The following RNF187 variants were observed in gnomAD, a reference collection of about 807,000 sequenced individuals.
The protein encoded by RNF187 is ring finger protein 187.
A neutral mutation model predicts 22.2 loss-of-function variants in RNF187; 18 were observed. The ratio of observed to expected loss-of-function variants is 0.81; its 90% CI spans 0.56 to 1.20. The LOEUF (loss-of-function observed/expected upper bound fraction) is 1.20. Among genes scored for constraint, RNF187 ranks in the 50% most tolerant of loss-of-function variants. RNF187 has a pLI of 0.00. For synonymous variants in RNF187, 164 were observed against 140.9 expected, an observed-to-expected ratio of 1.16 and a Z score of -1.16; for missense variants, 329 against 317.6, an observed-to-expected ratio of 1.04 and a Z score of -0.27.
chr1:228,492,618 C>CTTTTT, intron 2 of RNF187, among the ~76,000 whole-genome samples: 23 of 62,108 alleles, frequency 3.7e-4, no homozygotes, highest in Non-Finnish European at 4.9e-4. Context: ...CCGTGCCTGG[C>CTTTTT]TTTTTTTTTT....
At position 228,495,052 on chromosome 1, in the gene RNF187, G is replaced by A; in HGVS notation, c.*1167G>A. ...CTCCAGTGTCAAAGGAAACTTCCTC[G>A]TGACACGTGCTAAAGCATGGTGAGG... On this transcript the variant is annotated 3_prime_UTR_variant, in exon 4 of 4. Coordinates refer to ENST00000305943, the MANE Select transcript of RNF187 (RefSeq NM_001010858.3). 8 of 983,672 alleles carry A rather than the reference G, an allele frequency of 8.1e-6. No homozygotes were observed. Among genetic ancestry groups the A allele is most frequent in the Non-Finnish European group, 8.5e-6 (7 of 828,388 alleles). 60.9% of individuals were successfully genotyped at this position (983,672 alleles called of 1,614,324 possible).
In RNF187 at chr1:228,487,689, G is replaced by A. The variant is rs1411263227; in HGVS notation, c.201G>A (p.Pro67=). ...GCGCCGTGGAGCCCGGCAGGCCCCC[G>A]CTCAGCCGCCGCCTTCTGGCGCTCG... The change falls in exon 1 of 4, where the codon CCG becomes CCA. Residue 67 remains proline, a synonymous_variant. Transcript: ENST00000305943. The A allele has an allele frequency of 1.3e-5, 14 of 1,078,624 alleles. No individual in the cohort carries two copies. Among genetic ancestry groups the A allele is most frequent in the Non-Finnish European group, 1.5e-5 (13 of 891,006 alleles). The allele number at this position is 1,078,624 out of a possible 1,614,324, so 66.8% of individuals were successfully genotyped here.
intron 2 of RNF187, among the ~76,000 whole-genome samples, chr1:228,491,857 GT>G: frequency 4.6e-5 from 7 of 152,200 alleles, no homozygotes; most frequent in African/African-American, 1.7e-4. Context: ...CTAGCCACTT[GT>G]AAAAAAGCAA....
chr1:228,493,986 G>C lies in RNF187; in HGVS notation c.*101G>C. The C allele has an allele frequency of 6.4e-7, 1 of 1,551,270 alleles. No homozygotes were observed. The highest frequency in any genetic ancestry group is 8.7e-7 in the Non-Finnish European group (1 of 1,146,912). On this transcript the variant is annotated 3_prime_UTR_variant, in exon 4 of 4. Coordinates refer to ENST00000305943, the MANE Select transcript of RNF187 (RefSeq NM_001010858.3). This position sits in a 1 kb window ranked among gnomAD's most constrained non-coding sequence, Gnocchi z 4.7. ...TGGCTGCCAGGGAAGCGTGGCAGGCGCCTGGCCTTGGGTCCATCTACATAG... is the reference window on the plus strand; with the variant it reads ...TGGCTGCCAGGGAAGCGTGGCAGGCCCCTGGCCTTGGGTCCATCTACATAG...
chr1:228,490,186 C>T, intron 2 of RNF187, among the ~76,000 whole-genome samples: 1 of 152,166 alleles, frequency 6.6e-6, no homozygotes, highest in Non-Finnish European at 1.5e-5. Flanking sequence ...CTGAGGCCCA[C>T]GTTTTTACCC....
intron 2 of RNF187, among the ~76,000 whole-genome samples, chr1:228,489,266 C>G: frequency 6.6e-6 from 1 of 152,138 alleles, no homozygotes; most frequent in Non-Finnish European, 1.5e-5. Flanking sequence ...GTGGAAGCCT[C>G]TTTTTCTCCT....
In RNF187 at chr1:228,495,035, T is replaced by G; in HGVS notation, c.*1150T>G. 1.0e-6 allele frequency: 1 copy of G among 985,698 alleles called. No homozygotes were observed. Among genetic ancestry groups the G allele is most frequent in the Non-Finnish European group, 1.2e-6 (1 of 830,124 alleles). The allele number at this position is 985,698 out of a possible 1,614,324, so 61.1% of individuals were successfully genotyped here. A position where few individuals can be genotyped will look rare whatever the true frequency, so the allele number is the denominator to read the frequency against. On this transcript the variant is annotated 3_prime_UTR_variant, in exon 4 of 4. Transcript: ENST00000305943. ...CCCCTGCCCTGGCCACCCTCCAGTG[T>G]CAAAGGAAACTTCCTCGTGACACGT...
In RNF187 at chr1:228,494,753, T is replaced by G; in HGVS notation, c.*868T>G. On this transcript the variant is annotated 3_prime_UTR_variant, in exon 4 of 4. Transcript: ENST00000305943. ...GCATCCTTGTGTGTAGATAAATTAG[T>G]CGACAGAAACTCAGCACTGGGGACA... is the stretch of plus-strand genomic sequence containing the variant. 3 of 985,072 alleles carry G rather than the reference T, an allele frequency of 3.0e-6. No homozygotes were observed. The highest frequency in any genetic ancestry group is 9.4e-5 in the South Asian group (2 of 21,254). The allele number at this position is 985,072 out of a possible 1,614,324, so 61.0% of individuals were successfully genotyped here.
chr1:228,492,926 T>C, intron 2 of RNF187, 127 bp from the exon 3 acceptor site: 3 of 1,039,200 alleles, frequency 2.9e-6, no homozygotes, highest in Non-Finnish European at 4.1e-6. Flanking sequence ...CCTGGCCTAA[T>C]AGTCGATGTG....
intron 1 of RNF187, 120 bp downstream of exon 1, chr1:228,487,998 C>A: frequency 1.6e-6 from 1 of 610,700 alleles, no homozygotes; most frequent in Non-Finnish European, 2.1e-6. Flanking sequence ...CCCGGATTGT[C>A]CCCGTCCCCG....
chr1:228,495,408 G>GT lies in RNF187; in HGVS notation c.*1523_*1524insT. The GT allele has an allele frequency of 7.6e-6, 7 of 916,392 alleles. No homozygotes were observed. In the African/African-American group the frequency reaches 1.3e-4, roughly 16 times the overall value. The allele number at this position is 916,392 out of a possible 1,614,324, so 56.8% of individuals were successfully genotyped here. On this transcript the variant is annotated 3_prime_UTR_variant, in exon 4 of 4. Coordinates refer to ENST00000305943, the MANE Select transcript of RNF187 (RefSeq NM_001010858.3). ...GCTAAAACTGGATTTCATAAGAAAG[G>GT]GCAAAGAGGGCCCTAGGAGAAGATT...
chr1:228,487,965 T>TTCCCGTC, intron 1 of RNF187, 87 bp downstream of exon 1: 1 of 774,910 alleles, frequency 1.3e-6, no homozygotes, highest in Non-Finnish European at 1.5e-6. Context: ...CCCTGGGCCC[T>TTCCCGTC]TCCCGTCTCC....
At chr1:228,489,079 G>A in intron 2 of RNF187, 27 bp downstream of exon 2, 6 of 1,521,068 alleles carry the variant, frequency 3.9e-6, no homozygotes, top group Non-Finnish European at 2.7e-6. Flanking sequence ...GGGGCAGCCT[G>A]GAATGAGGGG....
In RNF187 at chr1:228,487,842, G is replaced by A. The variant is rs1037398567; in HGVS notation, c.354G>A (p.Glu118=). The stretch of plus-strand genomic sequence containing the variant: ...TGGCTGCGGGCCCCGAGCCGCCCGA[G>A]TGGGAACCGCGCTGGAGGAAGGCGC... The change falls in exon 1 of 4, where the codon GAG becomes GAA. Residue 118 remains glutamate (E), a synonymous_variant. Coordinates refer to ENST00000305943, the MANE Select transcript of RNF187 (RefSeq NM_001010858.3). 12 of 1,231,564 alleles carry A rather than the reference G, an allele frequency of 9.7e-6. No homozygotes were observed. In the African/African-American group the frequency reaches 1.4e-4, roughly 15 times the overall value. 76.3% of individuals were successfully genotyped at this position (1,231,564 alleles called of 1,614,324 possible). A position where few individuals can be genotyped will look rare whatever the true frequency, so the allele number is the denominator to read the frequency against.
In RNF187 at chr1:228,493,016, G is replaced by A; in HGVS notation, c.484-37G>A. 3 of 1,507,516 alleles carry A rather than the reference G, an allele frequency of 2.0e-6. No individual in the cohort carries two copies. The East Asian group carries it at 7.4e-5, about 37-fold the overall frequency. The allele number at this position is 1,507,516 out of a possible 1,614,324, so 93.4% of individuals were successfully genotyped here. Reference sequence around the variant, plus strand: ...GTTCCCCTTCCCCTGGGGAGGGTGGGTGAGGACACAGGTCTTTTCCTGCCA... The same window carrying A: ...GTTCCCCTTCCCCTGGGGAGGGTGGATGAGGACACAGGTCTTTTCCTGCCA... On this transcript the variant is annotated intron_variant, in intron 2 of 3. Transcript: ENST00000305943. This position sits in a 1 kb window ranked among gnomAD's most constrained non-coding sequence, Gnocchi z 4.7.
At chr1:228,488,929 C>G in intron 1 of RNF187, 31 bp from the exon 2 acceptor site, 1 of 1,524,596 alleles carries the variant, frequency 6.6e-7, no homozygotes, top group Non-Finnish European at 8.9e-7. Context: ...AGAGCTTCTG[C>G]CCACCCCTGG....
Position 228,494,008 on chromosome 1 carries a change from A to G in RNF187, c.*123A>G. 41 of 1,549,034 alleles carry G rather than the reference A, an allele frequency of 2.6e-5. No homozygotes were observed. Among genetic ancestry groups the G allele is most frequent in the East Asian group, 1.2e-4 (5 of 40,876 alleles). ...GGCGCCTGGCCTTGGGTCCATCTAC[A>G]TAGTTGCGTGTTTCAACAATGTCCA... On this transcript the variant is annotated 3_prime_UTR_variant, in exon 4 of 4. Coordinates refer to ENST00000305943, the MANE Select transcript of RNF187 (RefSeq NM_001010858.3).
chr1:228,492,051 T>A, intron 2 of RNF187, among the ~76,000 whole-genome samples: 1 of 152,144 alleles, frequency 6.6e-6, no homozygotes, highest in African/African-American at 2.4e-5. Context: ...GATCTTGCAC[T>A]GTTTTTTGAT....
In RNF187 at chr1:228,494,422, C is replaced by G; in HGVS notation, c.*537C>G. On this transcript the variant is annotated 3_prime_UTR_variant, in exon 4 of 4. Transcript: ENST00000305943. ...GATGCCTCCTGAGGAGGCGGCCCCC[C>G]TCTTGAGGTGGGCGTGGGCCCGGCC... is the stretch of plus-strand genomic sequence containing the variant. 3 of 995,350 alleles carry G rather than the reference C, an allele frequency of 3.0e-6. No individual in the cohort carries two copies. Among genetic ancestry groups the G allele is most frequent in the African/African-American group, 1.7e-5 (1 of 57,770 alleles). The allele number at this position is 995,350 out of a possible 1,614,324, so 61.7% of individuals were successfully genotyped here.
Sources: gnomAD v4.1 joint callset for allele counts (sites outside exome capture counted in the v4.1 genomes callset) on GRCh38, gnomAD v4.1.1 for gene constraint, Gnocchi (gnomAD v3.1) non-coding constraint, MANE v1.5 for transcripts, NCBI Gene and HGNC (gene_info 2026-07-23, HGNC 2026-07-21) for gene names.